Variants in TAC1 observed in about 807,000 individuals in gnomAD.
TAC1 encodes the protein protachykinin-1.
In TAC1, 12 loss-of-function variants were observed where a neutral mutation model predicts 21.7. That is an observed-to-expected ratio of 0.55 (90% CI 0.35 to 0.89). TAC1 has a LOEUF of 0.89. Ranked by LOEUF, TAC1 falls within the 40% of genes least tolerant of loss-of-function variation. TAC1 has a pLI of 0.01. For missense variants in TAC1, 128 were observed against 151.4 expected (o/e 0.85, Z 0.81); for synonymous variants, 52 against 52.0 (o/e 1.00, Z 0.00).
In TAC1 at chr7:97,734,289, T is replaced by A. The variant is rs1413816781; in HGVS notation, c.262T>A (p.Tyr88Asn). The A allele has an allele frequency of 6.2e-7, 1 of 1,612,990 alleles. No homozygotes were observed. The highest frequency in any genetic ancestry group is 8.5e-7 in the Non-Finnish European group (1 of 1,179,182). The change falls in exon 4 of 7, where the codon TAT (tyrosine) becomes AAT (asparagine). Residue 88 changes from tyrosine (Y) to asparagine (N), a missense_variant. Tyr to Asn is a moderately radical substitution (Grantham distance 143). Coordinates refer to ENST00000319273, the MANE Select transcript of TAC1 (RefSeq NM_003182.3). ...ACAAGTGGCCCTGTTAAAGGCTCTTTATGGTAAACATTCCTATAAATCTTT... is the reference window on the plus strand; with the variant it reads ...ACAAGTGGCCCTGTTAAAGGCTCTTAATGGTAAACATTCCTATAAATCTTT... ...EKQVALLKAL[Y>N]GHGQISHKRH...
At chr7:97,734,099 A>C (rs897817035) in intron 3 of TAC1, 149 bp from the exon 4 acceptor site, 32 of 775,150 alleles carry the variant, frequency 4.1e-5, no homozygotes, top group Non-Finnish European at 6.1e-5. Flanking sequence ...CAGGGGTAGT[A>C]CTGCGGATGA....
At chr7:97,737,542 G>T (rs955078580) in intron 6 of TAC1, among the ~76,000 whole-genome samples, 1 of 151,904 alleles carries the variant, frequency 6.6e-6, no homozygotes, top group African/African-American at 2.4e-5. Flanking sequence ...AGAAGCCAGA[G>T]AATATATTCA....
At position 97,734,833 on chromosome 7, in the gene TAC1, C is replaced by T. The variant is rs776999140; in HGVS notation, c.273C>T (p.Gly91=). 6.3e-7 allele frequency: 1 copy of T among 1,594,972 alleles called. No individual in the cohort carries two copies. Among genetic ancestry groups the T allele is most frequent in the Non-Finnish European group, 8.6e-7 (1 of 1,165,964 alleles). The change falls in exon 5 of 7, where the codon GGC becomes GGT. Residue 91 remains glycine, a synonymous_variant. Coordinates refer to ENST00000319273, the MANE Select transcript of TAC1 (RefSeq NM_003182.3). ...VALLKALYGH[G]QISHKRHKTD... is the part of the protein sequence containing the mutation. ...ATTTTATCTTTCTTCTAGGACATGG[C>T]CAGATCTCTCACAAAAGTAAGTTCA...
At chr7:97,733,625 G>C in intron 2 of TAC1, 98 bp from the exon 3 acceptor site, 1 of 1,201,874 alleles carries the variant, frequency 8.3e-7, no homozygotes, top group Non-Finnish European at 1.2e-6. Flanking sequence ...GCCTCCCCAC[G>C]CCTCGGGGCC....
chr7:97,732,918 C>G lies in TAC1; in HGVS notation c.123+183C>G, dbSNP rs968833540. The G allele has an allele frequency of 1.2e-6, 1 of 819,316 alleles. No homozygotes were observed. Among genetic ancestry groups the G allele is most frequent in the African/African-American group, 1.7e-5 (1 of 57,960 alleles). The allele number at this position is 819,316 out of a possible 1,614,324, so 50.8% of individuals were successfully genotyped here. On this transcript the variant is annotated intron_variant, in intron 2 of 6. Coordinates refer to ENST00000319273, the MANE Select transcript of TAC1 (RefSeq NM_003182.3). The surrounding 1 kb of genome is among the most constrained non-coding windows in gnomAD (Gnocchi z 6.2). ...GGTTCCCCACGGGATTTTGTGCCCA[C>G]GATTCAAGTTTCTTCCCGAGGGCTG...
chr7:97,733,672 G>T (rs1455512239), intron 2 of TAC1, 51 bp from the exon 3 acceptor site: 12 of 1,581,754 alleles, frequency 7.6e-6, no homozygotes, highest in Non-Finnish European at 1.0e-5. Context: ...GTTGCTGGGT[G>T]CCTCGCTCTG....
Position 97,733,847 on chromosome 7 carries a change from C to CT in TAC1, c.220+30dup, listed in dbSNP as rs752134155. 1.9e-6 allele frequency: 3 copies of CT among 1,607,960 alleles called. No homozygotes were observed. In the Admixed American group the frequency reaches 5.0e-5, roughly 27 times the overall value. On this transcript the variant is annotated intron_variant, in intron 3 of 6. Transcript: ENST00000319273. ...GAGATAGGCGACCGTCCCTAGGTGT[C>CT]TTGGGCAGCCCGCCCTGTCTGCTCA...
At chr7:97,733,026 A>T (rs1789471183) in intron 2 of TAC1, 1 of 325,526 alleles carries the variant, frequency 3.1e-6, no homozygotes, top group Non-Finnish European at 5.8e-6. Flanking sequence ...AAATCTCGTA[A>T]GATTTCATCC....
intron 2 of TAC1, among the ~76,000 whole-genome samples, chr7:97,733,318 C>A (rs141117557): frequency 3.9e-5 from 6 of 152,244 alleles, no homozygotes; most frequent in African/African-American, 1.2e-4. Flanking sequence ...AGCGTTGTCA[C>A]CCTTCCCCAC....
chr7:97,734,805 C>T (rs377530323), intron 4 of TAC1, 21 bp from the exon 5 acceptor site: 5 of 1,580,568 alleles, frequency 3.2e-6, no homozygotes, highest in Non-Finnish European at 4.3e-6. Context: ...TATGTGTTTG[C>T]TAATTTTATC....
intron 5 of TAC1, among the ~76,000 whole-genome samples, chr7:97,736,049 G>C (rs954826566): frequency 6.6e-6 from 1 of 151,932 alleles, no homozygotes; most frequent in Non-Finnish European, 1.5e-5. Flanking sequence ...TTACATAACA[G>C]ATAAAATATA....
chr7:97,732,654 C>A lies in TAC1; in HGVS notation c.42C>A (p.Ser14=). The change falls in exon 2 of 7, where the codon TCC becomes TCA. Residue 14 remains serine (S), a synonymous_variant. Coordinates refer to ENST00000319273, the MANE Select transcript of TAC1 (RefSeq NM_003182.3). This position sits in a 1 kb window ranked among gnomAD's most constrained non-coding sequence, Gnocchi z 6.2. ...LVALAVFFLV[S]TQLFAEEIGA... is the part of the protein sequence containing the mutation. ...CCTTGGCAGTCTTTTTTCTTGTCTC[C>A]ACTCAGCTGTTTGCAGAAGAAATAG... is the stretch of plus-strand genomic sequence containing the variant. 1 of 1,614,086 alleles carries A rather than the reference C, an allele frequency of 6.2e-7. No homozygotes were observed. Among genetic ancestry groups the A allele is most frequent in the Non-Finnish European group, 8.5e-7 (1 of 1,180,024 alleles).
At position 97,732,599 on chromosome 7, in the gene TAC1, C is replaced by T; in HGVS notation, c.-9-5C>T. The T allele has an allele frequency of 6.2e-7, 1 of 1,614,112 alleles. No homozygotes were observed. The highest frequency in any genetic ancestry group is 1.1e-5 in the South Asian group (1 of 91,078). ...TTGGTGTCTTCTCCTCCTACCCCTT[C>T]CCAGAAATCCAACATGAAAATCCTC... On this transcript the variant is annotated splice_region_variant and splice_polypyrimidine_tract_variant and intron_variant, in intron 1 of 6. Transcript: ENST00000319273. This position sits in a 1 kb window ranked among gnomAD's most constrained non-coding sequence, Gnocchi z 6.2.
At chr7:97,739,758 T>C (rs770852968) in intron 6 of TAC1, 116 bp from the exon 7 acceptor site, 12 of 619,574 alleles carry the variant, frequency 1.9e-5, no homozygotes, top group Non-Finnish European at 2.5e-5. Flanking sequence ...AATACTTCTG[T>C]AGAGGGAAAA....
chr7:97,739,963 G>T lies in TAC1; in HGVS notation c.*43G>T. On this transcript the variant is annotated 3_prime_UTR_variant, in exon 7 of 7. Coordinates refer to ENST00000319273, the MANE Select transcript of TAC1 (RefSeq NM_003182.3). ...TTTATTCAGCTTCATTTGTGTCAAT[G>T]GGCAATGACAGGTAAATTAAGACAT... 1.4e-6 allele frequency: 2 copies of T among 1,395,004 alleles called. No homozygotes were observed. Among genetic ancestry groups the T allele is most frequent in the South Asian group, 2.5e-5 (2 of 78,544 alleles). 86.4% of individuals were successfully genotyped at this position (1,395,004 alleles called of 1,614,324 possible).
chr7:97,736,215 T>G (rs781641449), intron 5 of TAC1, 84 bp from the exon 6 acceptor site: 1 of 1,151,170 alleles, frequency 8.7e-7, no homozygotes. Flanking sequence ...AGACATATAT[T>G]CAGAAGCTTG....
intron 6 of TAC1, 107 bp downstream of exon 6, chr7:97,736,459 A>T: frequency 9.3e-7 from 1 of 1,069,862 alleles, no homozygotes; most frequent in Non-Finnish European, 1.4e-6. Flanking sequence ...TATAAAAATG[A>T]GTATTATGGT....
intron 6 of TAC1, among the ~76,000 whole-genome samples, chr7:97,739,395 C>A (rs1789649319): frequency 6.6e-6 from 1 of 151,992 alleles, no homozygotes; most frequent in Admixed American, 6.6e-5. Context: ...CAGCCATAGA[C>A]AATATGTAAA....
intron 6 of TAC1, among the ~76,000 whole-genome samples, chr7:97,736,698 G>A (rs1286025061): frequency 1.3e-5 from 2 of 152,022 alleles, no homozygotes; most frequent in Admixed American, 1.3e-4. Context: ...GGAGTGCAGG[G>A]AAGAATGAGG....
Sources: allele counts gnomAD v4.1 joint callset (sites outside exome capture counted in the v4.1 genomes callset), GRCh38; gene constraint gnomAD v4.1.1; non-coding constraint Gnocchi (gnomAD v3.1); transcripts MANE v1.5; gene names NCBI Gene and HGNC (gene_info 2026-07-23, HGNC 2026-07-21).